COL23A1: variants seen among roughly 807,000 people sequenced by gnomAD.
COL23A1 encodes the protein collagen alpha-1(XXIII) chain.
COL23A1 carries 97 observed loss-of-function variants against 99.3 expected under a neutral mutation model. That is an observed-to-expected ratio of 0.98 (90% confidence interval 0.83 to 1.16). COL23A1 has a LOEUF of 1.16. Among genes scored for constraint, COL23A1 ranks in the 50% most tolerant of loss-of-function variants. COL23A1 has a pLI of 0.00. For missense variants in COL23A1, 762 were observed against 757.4 expected (o/e 1.01, Z -0.07); for synonymous variants, 320 against 308.2 (o/e 1.04, Z -0.40).
intron 2 of COL23A1, among the ~76,000 whole-genome samples, chr5:178,483,597 C>T (rs1213341610): frequency 2.0e-5 from 3 of 152,350 alleles, no homozygotes; most frequent in Non-Finnish European, 2.9e-5. Flanking sequence ...AAAATATTTA[C>T]GTTTCCCGAG....
intron 2 of COL23A1, among the ~76,000 whole-genome samples, chr5:178,503,884 A>G (rs1205062776): frequency 6.6e-6 from 1 of 152,108 alleles, no homozygotes; most frequent in Non-Finnish European, 1.5e-5. Flanking sequence ...GAGCGGGCAG[A>G]GCCCTGGGCT....
chr5:178,326,883 C>G (rs545481195), intron 2 of COL23A1, among the ~76,000 whole-genome samples: 12 of 152,316 alleles, frequency 7.9e-5, no homozygotes, highest in African/African-American at 2.9e-4. Context: ...CCACGCCTGG[C>G]TAATTTTCGT....
At chr5:178,417,294 C>G (rs1476442301) in intron 2 of COL23A1, among the ~76,000 whole-genome samples, 1 of 152,232 alleles carries the variant, frequency 6.6e-6, no homozygotes, top group Non-Finnish European at 1.5e-5. Context: ...GACATGCACA[C>G]ATGTGTGCAC....
rs756017192 is a variant in COL23A1 at position 178,255,884 on chromosome 5, G to T, written c.882+469C>A. The T allele has an allele frequency of 2.6e-5, 10 of 384,944 alleles. No homozygotes were observed. Among genetic ancestry groups the T allele is most frequent in the South Asian group, 1.8e-4 (10 of 54,286 alleles). The allele number at this position is 384,944 out of a possible 1,614,324, so 23.8% of individuals were successfully genotyped here. A position where few individuals can be genotyped will look rare whatever the true frequency, so the allele number is the denominator to read the frequency against. On this transcript the variant is annotated intron_variant, in intron 15 of 28. Transcript: ENST00000390654. This position sits in a 1 kb window ranked among gnomAD's most constrained non-coding sequence, Gnocchi z 4.2. Reference sequence around the variant, plus strand: ...CAGAGCCGAGGCCAGGATCCCGGACGTCACCCTAAAGGTAAGGTATGTTGA... The same window carrying T: ...CAGAGCCGAGGCCAGGATCCCGGACTTCACCCTAAAGGTAAGGTATGTTGA...
intron 5 of COL23A1, among the ~76,000 whole-genome samples, chr5:178,282,052 C>CAAAAAAAAAAAAAAAAAAAAAAAAAAAAA (rs70994994): frequency 1.0e-5 from 1 of 98,686 alleles, no homozygotes. Context: ...ACACTGTCTC[C>CAAAAAAAAAAAAAAAAAAAAAAAAAAAAA]AAAAAAAAAA....
In COL23A1 at chr5:178,281,424, G is replaced by C. The variant is rs1285160532; in HGVS notation, c.441+6900C>G. ...GTCTCACAGACCACATTTCAGCCCA[G>C]AGCTCTCGCAGTCCCCTGGGGCCCC... On this transcript the variant is annotated intron_variant, in intron 5 of 28. Coordinates refer to ENST00000390654, the MANE Select transcript of COL23A1 (RefSeq NM_173465.4). The surrounding 1 kb of genome is among the most constrained non-coding windows in gnomAD (Gnocchi z 4.0). Among the ~76,000 whole-genome samples the C allele has an allele frequency of 6.6e-6, 1 of 152,110 alleles. No individual in the cohort carries two copies. The highest frequency in any genetic ancestry group is 1.9e-4 in the East Asian group (1 of 5,156).
At chr5:178,266,870 C>A (rs951886034) in intron 8 of COL23A1, among the ~76,000 whole-genome samples, 4 of 152,238 alleles carry the variant, frequency 2.6e-5, no homozygotes, top group Non-Finnish European at 4.4e-5. Flanking sequence ...GGGGCTGTTC[C>A]CCCATTCACA....
intron 2 of COL23A1, among the ~76,000 whole-genome samples, chr5:178,476,128 T>C (rs895517589): frequency 6.6e-6 from 1 of 152,228 alleles, no homozygotes; most frequent in Non-Finnish European, 1.5e-5. Flanking sequence ...TGTCCCCTGA[T>C]TTCTACTTTG....
At chr5:178,501,574 CAAAAA>C (rs11343683) in intron 2 of COL23A1, among the ~76,000 whole-genome samples, 1 of 100,008 alleles carries the variant, frequency 1.0e-5, no homozygotes, top group African/African-American at 3.8e-5. Flanking sequence ...GGCTCTGTCT[CAAAAA>C]AAAAAAAAAA....
intron 2 of COL23A1, among the ~76,000 whole-genome samples, chr5:178,530,877 A>G (rs1208505836): frequency 6.6e-6 from 1 of 152,012 alleles, no homozygotes; most frequent in Non-Finnish European, 1.5e-5. Flanking sequence ...ATAAGCATTA[A>G]TTTTTTTGAG....
chr5:178,423,379 A>C (rs546384326), intron 2 of COL23A1, among the ~76,000 whole-genome samples: 1 of 152,314 alleles, frequency 6.6e-6, no homozygotes, highest in South Asian at 2.1e-4. Flanking sequence ...GCTCCCCGTC[A>C]GCCATGTGAT....
At chr5:178,453,818 C>T (rs1767621180) in intron 2 of COL23A1, among the ~76,000 whole-genome samples, 1 of 152,174 alleles carries the variant, frequency 6.6e-6, no homozygotes, top group African/African-American at 2.4e-5. Context: ...GTCTGTCTCA[C>T]TTCTCACCAC....
intron 1 of COL23A1, among the ~76,000 whole-genome samples, chr5:178,578,073 ACT>A (rs556337101): frequency 2.0e-4 from 30 of 151,458 alleles, no homozygotes; most frequent in African/African-American, 6.6e-4. Flanking sequence ...GCACACACAC[ACT>A]CATGCACACA....
chr5:178,569,466 C>T (rs1022886246), intron 1 of COL23A1, among the ~76,000 whole-genome samples: 1 of 152,200 alleles, frequency 6.6e-6, no homozygotes, highest in Non-Finnish European at 1.5e-5. Context: ...TTACTGAGAT[C>T]TTGCTACATT....
At chr5:178,405,767 G>A (rs900791395) in intron 2 of COL23A1, among the ~76,000 whole-genome samples, 3 of 152,206 alleles carry the variant, frequency 2.0e-5, no homozygotes, top group African/African-American at 4.8e-5. Flanking sequence ...ACCACTAGGA[G>A]TAATGGAAGA....
In COL23A1 at chr5:178,255,716, C is replaced by G. The variant is rs1327578800; in HGVS notation, c.882+637G>C. 4.5e-6 allele frequency: 1 copy of G among 220,626 alleles called. No homozygotes were observed. The highest frequency in any genetic ancestry group is 9.8e-6 in the Non-Finnish European group (1 of 102,206). 13.7% of individuals were successfully genotyped at this position (220,626 alleles called of 1,614,324 possible). A position where few individuals can be genotyped will look rare whatever the true frequency, so the allele number is the denominator to read the frequency against. On this transcript the variant is annotated intron_variant, in intron 15 of 28. Coordinates refer to ENST00000390654, the MANE Select transcript of COL23A1 (RefSeq NM_173465.4). The surrounding 1 kb of genome is among the most constrained non-coding windows in gnomAD (Gnocchi z 4.2). ...CTCATTTGCCAGCCCTCCCCCGTCC[C>G]CAGTCACAGCCTGCCCAGAACTGCC...
chr5:178,330,356 C>T (rs955586363), intron 2 of COL23A1, among the ~76,000 whole-genome samples: 29 of 152,338 alleles, frequency 1.9e-4, no homozygotes, highest in African/African-American at 6.0e-4. Flanking sequence ...CCTCTGCACA[C>T]GGGTGCAGAT....
At chr5:178,317,721 G>A (rs576955353) in intron 2 of COL23A1, among the ~76,000 whole-genome samples, 3 of 152,158 alleles carry the variant, frequency 2.0e-5, no homozygotes, top group Admixed American at 6.5e-5. Context: ...GTTGGGGAGC[G>A]TATTAGCCAG....
intron 2 of COL23A1, among the ~76,000 whole-genome samples, chr5:178,331,407 A>G (rs2127645778): frequency 6.6e-6 from 1 of 152,094 alleles, no homozygotes; most frequent in South Asian, 2.1e-4. Context: ...AGCCACCTAC[A>G]CTCCCTGAGG....
Sources: allele counts gnomAD v4.1 joint callset (sites outside exome capture counted in the v4.1 genomes callset), GRCh38; gene constraint gnomAD v4.1.1; non-coding constraint Gnocchi (gnomAD v3.1); transcripts MANE v1.5; gene names NCBI Gene and HGNC (gene_info 2026-07-23, HGNC 2026-07-21).